Variants in CFAP299 observed in about 807,000 individuals in gnomAD.
The protein encoded by CFAP299 is cilia and flagella associated protein 299, also known as cilia- and flagella-associated protein 299.
CFAP299 carries 21 observed loss-of-function variants against 27.0 expected under a neutral mutation model. The observed-to-expected ratio is 0.78, with a 90% CI of 0.55 to 1.12. The LOEUF is 1.12. Among genes scored for constraint, CFAP299 ranks in the 50% most tolerant of loss-of-function variants. The probability of loss-of-function intolerance (pLI) is 0.00; values close to 1 mark genes in which losing one functional copy is unlikely to be tolerated. For missense variants in CFAP299, 310 were observed against 276.6 expected (o/e 1.12, Z -0.86); for synonymous variants, 104 against 98.1 (o/e 1.06, Z -0.36).
chr4:80,327,621 T>C, the CFAP299 span, among the ~76,000 whole-genome samples: 2 of 121,918 alleles, frequency 1.6e-5, no homozygotes, highest in Non-Finnish European at 3.5e-5. Context: ...CTGGGTGCAT[T>C]GAGATGAAAT....
At chr4:80,830,371 A>G (rs1730233709) in intron 3 of CFAP299, among the ~76,000 whole-genome samples, 1 of 152,120 alleles carries the variant, frequency 6.6e-6, no homozygotes, top group African/African-American at 2.4e-5. Context: ...GGGAAGAATA[A>G]TCTTCCAGAG....
At chr4:80,616,343 G>A (rs1553940507) in intron 3 of CFAP299, among the ~76,000 whole-genome samples, 1 of 151,794 alleles carries the variant, frequency 6.6e-6, no homozygotes, top group East Asian at 1.9e-4. Flanking sequence ...GAACTATAAA[G>A]TTTTGTATAT....
At position 80,669,035 on chromosome 4, in the gene CFAP299, C is replaced by T. The variant is rs188053227; in HGVS notation, c.333+85852C>T. On this transcript the variant is annotated intron_variant, in intron 3 of 5. Transcript: ENST00000358105. ...TCTTCTTGTATGGCTCTTCCAATTC[C>T]TTGACTAAATCAGTTCCTAGGTATT... Among the ~76,000 whole-genome samples the T allele has an allele frequency of 4.0e-5, 6 of 151,462 alleles. No homozygotes were observed. The East Asian group carries it at 1.2e-3, about 29-fold the overall frequency.
At chr4:80,796,423 T>C (rs1036222544) in intron 3 of CFAP299, among the ~76,000 whole-genome samples, 4 of 152,208 alleles carry the variant, frequency 2.6e-5, no homozygotes, top group African/African-American at 9.6e-5. Context: ...TGTGATATCT[T>C]GCAGAAGTGA....
At chr4:80,766,426 C>T (rs989019014) in intron 3 of CFAP299, among the ~76,000 whole-genome samples, 1 of 152,108 alleles carries the variant, frequency 6.6e-6, no homozygotes, top group Admixed American at 6.5e-5. Flanking sequence ...ATCTCCTTTA[C>T]AAAGATACAA....
intron 3 of CFAP299, among the ~76,000 whole-genome samples, chr4:80,732,257 C>T (rs139867494): frequency 1.1e-3 from 163 of 151,954 alleles, no homozygotes; most frequent in African/African-American, 3.7e-3. Flanking sequence ...CATAGATACT[C>T]TGGAAGTTTG....
At chr4:80,643,062 C>T (rs1577967706) in intron 3 of CFAP299, among the ~76,000 whole-genome samples, 1 of 151,706 alleles carries the variant, frequency 6.6e-6, no homozygotes. Context: ...TTTGGGAGGC[C>T]GAGAAAGGAG....
chr4:80,753,601 C>T (rs1725061422), intron 3 of CFAP299, among the ~76,000 whole-genome samples: 2 of 152,092 alleles, frequency 1.3e-5, no homozygotes, highest in South Asian at 4.1e-4. Context: ...TCTTTCTCTT[C>T]TCCTTTTGCA....
chr4:80,772,111 T>G (rs1270524552), intron 3 of CFAP299, among the ~76,000 whole-genome samples: 1 of 152,162 alleles, frequency 6.6e-6, no homozygotes. Context: ...GGAATAATAA[T>G]ACAGGATTCA....
chr4:80,505,482 GA>G (rs1379797822), intron 2 of CFAP299, among the ~76,000 whole-genome samples: 1 of 152,036 alleles, frequency 6.6e-6, no homozygotes, highest in East Asian at 1.9e-4. Flanking sequence ...CATAACAACT[GA>G]AAAAAGGACT....
intron 3 of CFAP299, among the ~76,000 whole-genome samples, chr4:80,645,043 A>G (rs1739929991): frequency 6.6e-6 from 1 of 152,000 alleles, no homozygotes; most frequent in Admixed American, 6.6e-5. Context: ...TTCAGTCCAG[A>G]CATCCTCCTT....
intron 2 of CFAP299, among the ~76,000 whole-genome samples, chr4:80,579,605 C>T (rs1736065799): frequency 6.6e-6 from 1 of 152,030 alleles, no homozygotes; most frequent in Non-Finnish European, 1.5e-5. Flanking sequence ...TGAATGATGC[C>T]TAAAAATCTA....
At chr4:80,509,668 A>G (rs1732200836) in intron 2 of CFAP299, among the ~76,000 whole-genome samples, 1 of 152,200 alleles carries the variant, frequency 6.6e-6, no homozygotes, top group African/African-American at 2.4e-5. Context: ...TTAGGGAAAT[A>G]TAATTATTAT....
At chr4:80,386,825 G>T (rs1239682639) in intron 2 of CFAP299, 17 of 937,374 alleles carry the variant, frequency 1.8e-5, no homozygotes, top group Non-Finnish European at 3.0e-5. Flanking sequence ...TTTCTTGAAG[G>T]GCTGGTGGAT....
chr4:80,671,875 T>TC (rs1389705127), intron 3 of CFAP299, among the ~76,000 whole-genome samples: 1 of 152,212 alleles, frequency 6.6e-6, no homozygotes, highest in Non-Finnish European at 1.5e-5. Context: ...AAGTTGCTTA[T>TC]CAGCTTAAGG....
At chr4:80,805,957 G>A (rs1728843922) in intron 3 of CFAP299, among the ~76,000 whole-genome samples, 1 of 151,990 alleles carries the variant, frequency 6.6e-6, no homozygotes, top group Non-Finnish European at 1.5e-5. Context: ...TGCACTCAAG[G>A]ATTTCATAAT....
chr4:80,514,912 AT>A (rs1176870787), intron 2 of CFAP299, among the ~76,000 whole-genome samples: 1 of 152,080 alleles, frequency 6.6e-6, no homozygotes, highest in Non-Finnish European at 1.5e-5. Flanking sequence ...TTATTTCTAA[AT>A]TTGAAGAAAA....
intron 3 of CFAP299, among the ~76,000 whole-genome samples, chr4:80,670,319 C>A (rs1025910843): frequency 2.6e-5 from 4 of 152,132 alleles, no homozygotes; most frequent in African/African-American, 9.7e-5. Flanking sequence ...GACATGAACT[C>A]ATCCTTTTTT....
intron 2 of CFAP299, among the ~76,000 whole-genome samples, chr4:80,380,812 ATCTCT>A (rs1486285539): frequency 6.6e-6 from 1 of 152,194 alleles, no homozygotes; most frequent in African/African-American, 2.4e-5. Context: ...AAGCAAAAAG[ATCTCT>A]TCTAAGATTT....
Sources: gnomAD v4.1 joint callset for allele counts (sites outside exome capture counted in the v4.1 genomes callset) on GRCh38, gnomAD v4.1.1 for gene constraint, MANE v1.5 for transcripts, NCBI Gene and HGNC (gene_info 2026-07-23, HGNC 2026-07-21) for gene names.